The following TBC1D15 variants were observed in gnomAD, a reference collection of about 807,000 sequenced individuals.
TBC1D15 encodes the protein GAP for RAB7.
A neutral mutation model predicts 95.4 loss-of-function variants in TBC1D15; 39 were observed. That is an observed-to-expected ratio of 0.41 (90% CI 0.32 to 0.53). The LOEUF is 0.53. Ranked by LOEUF, TBC1D15 falls within the 20% of genes least tolerant of loss-of-function variation. The pLI is 0.29. For missense variants in TBC1D15, 733 were observed against 794.3 expected (o/e 0.92, Z 0.93); for synonymous variants, 258 against 261.3 (o/e 0.99, Z 0.12).
At chr12:71,903,838 C>A (rs1900026720) in intron 10 of TBC1D15, among the ~76,000 whole-genome samples, 1 of 152,086 alleles carries the variant, frequency 6.6e-6, no homozygotes, top group Non-Finnish European at 1.5e-5. Flanking sequence ...AAACAGTAGA[C>A]ACTGGGGCTG....
chr12:71,848,388 G>C (rs954435637), intron 1 of TBC1D15, among the ~76,000 whole-genome samples: 1 of 152,146 alleles, frequency 6.6e-6, no homozygotes, highest in Non-Finnish European at 1.5e-5. Context: ...ATTCTAATAG[G>C]TGTGTAATAG....
At chr12:71,920,267 G>A (rs1018492037) in intron 14 of TBC1D15, among the ~76,000 whole-genome samples, 2 of 152,172 alleles carry the variant, frequency 1.3e-5, no homozygotes, top group African/African-American at 4.8e-5. Flanking sequence ...TACGTATTTA[G>A]AATGTAGAGC....
chr12:71,848,573 G>A (rs1886924792), intron 1 of TBC1D15, among the ~76,000 whole-genome samples: 1 of 151,382 alleles, frequency 6.6e-6, no homozygotes, highest in South Asian at 2.1e-4. Context: ...TTCTTTTTAT[G>A]TCCTGGATTT....
intron 3 of TBC1D15, among the ~76,000 whole-genome samples, chr12:71,877,923 T>G (rs1481301798): frequency 6.6e-6 from 1 of 152,210 alleles, no homozygotes; most frequent in African/African-American, 2.4e-5. Flanking sequence ...GGGGCTCATA[T>G]TTAACAAATT....
intron 7 of TBC1D15, among the ~76,000 whole-genome samples, chr12:71,895,478 A>G (rs1017061595): frequency 1.3e-5 from 2 of 152,102 alleles, no homozygotes; most frequent in Admixed American, 1.3e-4. Context: ...CACTATAGAA[A>G]ATGCCGAGTG....
chr12:71,918,865 G>A (rs970604822), intron 14 of TBC1D15, among the ~76,000 whole-genome samples: 1 of 152,176 alleles, frequency 6.6e-6, no homozygotes, highest in Non-Finnish European at 1.5e-5. Flanking sequence ...TGCCACATCT[G>A]TTATAGAGGA....
intron 11 of TBC1D15, among the ~76,000 whole-genome samples, chr12:71,910,171 T>C (rs936079586): frequency 6.6e-6 from 1 of 151,898 alleles, no homozygotes; most frequent in East Asian, 1.9e-4. Flanking sequence ...CAGATAGTTG[T>C]AGATATGCGA....
intron 4 of TBC1D15, among the ~76,000 whole-genome samples, chr12:71,884,142 T>C (rs1895758186): frequency 6.6e-6 from 1 of 152,166 alleles, no homozygotes; most frequent in African/African-American, 2.4e-5. Context: ...TTTCTGCAAA[T>C]AAAATGTCTG....
intron 4 of TBC1D15, among the ~76,000 whole-genome samples, chr12:71,881,816 G>A (rs1250677560): frequency 6.6e-6 from 1 of 151,274 alleles, no homozygotes; most frequent in African/African-American, 2.4e-5. Flanking sequence ...TACTGGGGAA[G>A]CCGAGGCAGG....
rs1205832247 is a variant in TBC1D15, at chr12:71,917,751, G to A, written c.1455G>A (p.Leu485=). 2 of 1,612,970 alleles carry A rather than the reference G, an allele frequency of 1.2e-6. No homozygotes were observed. Among genetic ancestry groups the A allele is most frequent in the Non-Finnish European group, 1.7e-6 (2 of 1,179,404 alleles). Residue 485 remains leucine (L), a synonymous_variant, in exon 13 of 17, where the codon CTG becomes CTA. Transcript: ENST00000485960. ...MQGMKTQLIQ[L]STLLRLLDSG... Reference sequence around the variant, plus strand: ...GCATGAAGACCCAGCTAATTCAGCTGAGTACCTTACTTCGATTGTTAGACA... The same window carrying A: ...GCATGAAGACCCAGCTAATTCAGCTAAGTACCTTACTTCGATTGTTAGACA...
At chr12:71,908,837 A>G (rs1277041553) in intron 11 of TBC1D15, among the ~76,000 whole-genome samples, 1 of 152,192 alleles carries the variant, frequency 6.6e-6, no homozygotes. Flanking sequence ...TCAGAGTGTG[A>G]CTTATGGTCA....
At chr12:71,914,454 CAT>C (rs1250703391) in intron 12 of TBC1D15, among the ~76,000 whole-genome samples, 1 of 151,966 alleles carries the variant, frequency 6.6e-6, no homozygotes, top group Non-Finnish European at 1.5e-5. Context: ...TCTATATATA[CAT>C]GTTAGTACAA....
chr12:71,880,375 G>A, intron 3 of TBC1D15, 94 bp from the exon 4 acceptor site: 1 of 1,077,538 alleles, frequency 9.3e-7, no homozygotes, highest in South Asian at 1.6e-5. Context: ...GATGTCGTCT[G>A]CAGCCTGCCT....
intron 12 of TBC1D15, among the ~76,000 whole-genome samples, chr12:71,916,931 G>A (rs987715019): frequency 2.1e-4 from 32 of 152,118 alleles, no homozygotes; most frequent in Non-Finnish European, 1.8e-4. Flanking sequence ...TGATGTTTAT[G>A]TGAAAAATTA....
intron 5 of TBC1D15, among the ~76,000 whole-genome samples, chr12:71,885,726 G>A (rs906488217): frequency 3.3e-5 from 5 of 152,104 alleles, no homozygotes; most frequent in African/African-American, 1.2e-4. Flanking sequence ...GGAATGAGGG[G>A]CACTTAATTC....
At chr12:71,896,338 C>T (rs144410888) in intron 8 of TBC1D15, 44 of 425,318 alleles carry the variant, frequency 1.0e-4, no homozygotes, top group African/African-American at 8.6e-4. Context: ...TTCTTCCGTA[C>T]TTGAAGTTCT....
chr12:71,904,568 T>C (rs1044718601), intron 10 of TBC1D15, among the ~76,000 whole-genome samples: 3 of 152,160 alleles, frequency 2.0e-5, no homozygotes, highest in African/African-American at 7.2e-5. Context: ...AGTAACTAGA[T>C]AGAAATTACT....
chr12:71,883,686 G>A (rs1374257866), intron 4 of TBC1D15, among the ~76,000 whole-genome samples: 2 of 152,132 alleles, frequency 1.3e-5, no homozygotes, highest in African/African-American at 2.4e-5. Context: ...GGGACTGGTA[G>A]TATGGGACAG....
In TBC1D15 at chr12:71,924,290, C is replaced by A. The variant is rs1870418004; in HGVS notation, c.*1086C>A. 6.6e-6 allele frequency: 1 copy of A among 152,578 alleles called. No homozygotes were observed. Among genetic ancestry groups the A allele is most frequent in the Admixed American group, 6.5e-5 (1 of 15,278 alleles). 9.5% of individuals were successfully genotyped at this position (152,578 alleles called of 1,614,324 possible). The stretch of plus-strand genomic sequence containing the variant: ...GTAAGTTGTTAACTCCTGTATATAT[C>A]ATTAAAATAAATCTGAAGTTGAAGT... On this transcript the variant is annotated 3_prime_UTR_variant, in exon 17 of 17. Transcript: ENST00000485960.
Sources: allele counts gnomAD v4.1 joint callset (sites outside exome capture counted in the v4.1 genomes callset), GRCh38; gene constraint gnomAD v4.1.1; transcripts MANE v1.5; gene names NCBI Gene and HGNC (gene_info 2026-07-23, HGNC 2026-07-21).